Variants in RABGAP1L observed in about 807,000 individuals in gnomAD.
RABGAP1L encodes rab GTPase-activating protein 1-like.
In RABGAP1L, 63 loss-of-function variants were observed where a neutral mutation model predicts 137.7. That is an observed-to-expected ratio of 0.46 (90% CI 0.37 to 0.56). The LOEUF is 0.56. RABGAP1L is among the 20% of genes least tolerant of loss of function. The pLI, the probability that RABGAP1L is intolerant of heterozygous loss-of-function variation, is 0.00. For synonymous variants in RABGAP1L, 431 were observed against 433.7 expected (o/e 0.99, Z 0.08); for missense variants, 1,095 against 1,244.0 (o/e 0.88, Z 1.80).
intron 17 of RABGAP1L, among the ~76,000 whole-genome samples, chr1:174,739,041 A>G (rs1015889249): frequency 6.6e-6 from 1 of 152,210 alleles, no homozygotes; most frequent in African/African-American, 2.4e-5. Context: ...TCACTATGGC[A>G]GGAAGATCTG....
intron 7 of RABGAP1L, among the ~76,000 whole-genome samples, chr1:174,262,427 T>C (rs2148632487): frequency 6.6e-6 from 1 of 152,334 alleles, no homozygotes; most frequent in South Asian, 2.1e-4. Context: ...GTTGATTGAT[T>C]CTAGATGTTT....
At position 174,455,850 on chromosome 1, in the gene RABGAP1L, C is replaced by G. The variant is rs190641165; in HGVS notation, c.1710+61705C>G. ...TTCTAAAAGCTTCTGTGAGTAAACA[C>G]TATCTCATTTCACATATAGGAATCT... On this transcript the variant is annotated intron_variant, in intron 13 of 25. Transcript: ENST00000681986. Among the ~76,000 whole-genome samples the G allele has an allele frequency of 1.2e-3, 190 of 152,208 alleles. 1 individual carries two copies. Among genetic ancestry groups the G allele is most frequent in the African/African-American group, 4.5e-3 (186 of 41,574 alleles).
chr1:174,877,248 T>C (rs571728275), intron 19 of RABGAP1L: 5 of 595,328 alleles, frequency 8.4e-6, no homozygotes, highest in East Asian at 6.2e-5. Flanking sequence ...GTGTTTATAG[T>C]GTATACTTCC....
intron 13 of RABGAP1L, among the ~76,000 whole-genome samples, chr1:174,477,561 A>G (rs2149322280): frequency 6.6e-6 from 1 of 152,292 alleles, no homozygotes; most frequent in South Asian, 2.1e-4. Flanking sequence ...TTTCTATAGC[A>G]TTGTTTTCAA....
chr1:174,308,481 C>G (rs544470855), intron 11 of RABGAP1L, among the ~76,000 whole-genome samples: 1 of 152,058 alleles, frequency 6.6e-6, no homozygotes, highest in East Asian at 1.9e-4. Context: ...AGCTGCTCCC[C>G]TTTGTTTTCT....
chr1:174,809,448 A>C (rs1471169024), intron 18 of RABGAP1L, among the ~76,000 whole-genome samples: 3 of 152,188 alleles, frequency 2.0e-5, no homozygotes, highest in Non-Finnish European at 4.4e-5. Context: ...AGAATGTAGG[A>C]TTCCTCATTC....
rs552032789 is a variant in RABGAP1L at position 174,529,598 on chromosome 1, G to A, written c.1711-107777G>A. Among the ~76,000 whole-genome samples, 116 of 152,206 alleles carry A rather than the reference G, an allele frequency of 7.6e-4. No homozygotes were observed. In the South Asian group the frequency reaches 7.9e-3, roughly 10 times the overall value. Reference sequence around the variant, plus strand: ...CATACACCAGCACTGATGTTGGCACGTCTAGGTGGGCCAATACTTGGGCCT... The same window carrying A: ...CATACACCAGCACTGATGTTGGCACATCTAGGTGGGCCAATACTTGGGCCT... On this transcript the variant is annotated intron_variant, in intron 13 of 25. Transcript: ENST00000681986.
rs184198208 is a variant in RABGAP1L, at chr1:174,613,756, A to G, written c.1711-23619A>G. Among the ~76,000 whole-genome samples, 430 of 152,270 alleles carry G rather than the reference A, an allele frequency of 2.8e-3. 4 individuals are homozygous for G. Among genetic ancestry groups the G allele is most frequent in the African/African-American group, 9.8e-3 (409 of 41,540 alleles). On this transcript the variant is annotated intron_variant, in intron 13 of 25. Coordinates refer to ENST00000681986, the MANE Select transcript of RABGAP1L (RefSeq NM_001366446.1). ...CTGGGTGCTCCTGTATTGGGTGCAT[A>G]TATATTTAGGATAGTTAGCTCTTCC...
At chr1:174,813,099 A>G (rs1690045250) in intron 19 of RABGAP1L, among the ~76,000 whole-genome samples, 1 of 152,196 alleles carries the variant, frequency 6.6e-6, no homozygotes, top group Non-Finnish European at 1.5e-5. Flanking sequence ...GAGCAATGAT[A>G]TGATCTGTCT....
chr1:174,666,582 C>T (rs1299978042), intron 14 of RABGAP1L, among the ~76,000 whole-genome samples: 1 of 152,192 alleles, frequency 6.6e-6, no homozygotes, highest in Non-Finnish European at 1.5e-5. Flanking sequence ...CCCATTGTTG[C>T]ACTCTCACAT....
At chr1:174,528,522 C>T (rs185731696) in intron 13 of RABGAP1L, among the ~76,000 whole-genome samples, 5 of 147,492 alleles carry the variant, frequency 3.4e-5, no homozygotes, top group Admixed American at 6.7e-5. Flanking sequence ...GCTTGGAATA[C>T]GTCATCCCAT....
rs1447447694 is a variant in RABGAP1L, at chr1:174,969,284, A to T, written c.2441A>T (p.Asn814Ile). The part of the protein sequence containing the change: ...EDPMDRYKRE[N>I]RRLQEASMRL... ...GCTATTGTTCTTCTGCAGAGGGAGA[A>T]CCGAAGATTACAGGAGGCCAGCATG... The change falls in exon 21 of 26, where the codon AAC becomes ATC. Residue 814 changes from asparagine to isoleucine, a missense_variant. Physicochemically the swap from Asn to Ile is moderately radical, Grantham distance 149. Coordinates refer to ENST00000681986, the MANE Select transcript of RABGAP1L (RefSeq NM_001366446.1). 1 of 1,550,642 alleles carries T rather than the reference A, an allele frequency of 6.4e-7. No individual in the cohort carries two copies. Among genetic ancestry groups the T allele is most frequent in the South Asian group, 1.2e-5 (1 of 84,050 alleles).
At chr1:174,779,252 A>T (rs751923270) in intron 18 of RABGAP1L, among the ~76,000 whole-genome samples, 30 of 152,140 alleles carry the variant, frequency 2.0e-4, no homozygotes, top group Non-Finnish European at 2.1e-4. Flanking sequence ...CCTAGCCCTT[A>T]TGTTGTGGCT....
intron 4 of RABGAP1L, among the ~76,000 whole-genome samples, chr1:174,239,827 G>T (rs1671635988): frequency 6.6e-6 from 1 of 152,128 alleles, no homozygotes; most frequent in African/African-American, 2.4e-5. Context: ...TCTGAAAGTT[G>T]CTTTAATCTT....
chr1:174,532,907 A>G (rs907864798), intron 13 of RABGAP1L, among the ~76,000 whole-genome samples: 1 of 152,228 alleles, frequency 6.6e-6, no homozygotes, highest in Non-Finnish European at 1.5e-5. Context: ...ATATAACATG[A>G]TAAATATCCA....
At chr1:174,358,369 C>T (rs911472069) in intron 11 of RABGAP1L, among the ~76,000 whole-genome samples, 1 of 152,198 alleles carries the variant, frequency 6.6e-6, no homozygotes, top group Non-Finnish European at 1.5e-5. Flanking sequence ...TACAACTGAG[C>T]CCTCATTGGC....
intron 19 of RABGAP1L, chr1:174,892,697 A>G (rs903767880): frequency 4.7e-5 from 24 of 512,796 alleles, no homozygotes; most frequent in Admixed American, 1.4e-4. Flanking sequence ...GAATATTGCT[A>G]TTGCTTCAGG....
chr1:174,405,312 C>A (rs12064126), intron 13 of RABGAP1L, among the ~76,000 whole-genome samples: 53,515 of 151,974 alleles, frequency 0.35, 12,075 homozygotes, highest in African/African-American at 0.64. Context: ...ACTTTTTAAA[C>A]ATTAAGGCAG....
intron 20 of RABGAP1L, among the ~76,000 whole-genome samples, chr1:174,968,451 A>T (rs1054945128): frequency 6.6e-6 from 1 of 151,892 alleles, no homozygotes; most frequent in East Asian, 1.9e-4. Context: ...TACCAAGTTC[A>T]TAGTGTTTAG....
Sources: gnomAD v4.1 joint callset for allele counts (sites outside exome capture counted in the v4.1 genomes callset) on GRCh38, gnomAD v4.1.1 for gene constraint, MANE v1.5 for transcripts, NCBI Gene and HGNC (gene_info 2026-07-23, HGNC 2026-07-21) for gene names.